Variants in SLC9A9 observed in about 807,000 individuals in gnomAD.
SLC9A9 encodes the protein solute carrier family 9 member A9.
SLC9A9 carries 62 observed loss-of-function variants against 77.8 expected under a neutral mutation model. The observed-to-expected ratio is 0.80, with a 90% confidence interval of 0.65 to 0.98. The LOEUF is 0.98. Ranked by LOEUF, SLC9A9 falls within the 50% of genes least tolerant of loss-of-function variation. SLC9A9 has a pLI of 0.00. For missense variants in SLC9A9, 775 were observed against 774.9 expected, an observed-to-expected ratio of 1.00 and a Z score of 0.00; for synonymous variants, 320 against 283.5, an observed-to-expected ratio of 1.13 and a Z score of -1.29.
At chr3:143,689,981 T>TA (rs1486110934) in intron 5 of SLC9A9, among the ~76,000 whole-genome samples, 5 of 151,876 alleles carry the variant, frequency 3.3e-5, no homozygotes, top group Non-Finnish European at 5.9e-5. Flanking sequence ...TTTTAAAAAT[T>TA]AAAAATAAAA....
rs1559921463 is a variant in SLC9A9 at position 143,449,702 on chromosome 3, T to TATAATTATATAAAATATAATTATATAAA, written c.1469+17307_1469+17334dup. Among the ~76,000 whole-genome samples, 14 of 83,104 alleles carry TATAATTATATAAAATATAATTATATAAA rather than the reference T, an allele frequency of 1.7e-4. 2 individuals are homozygous for TATAATTATATAAAATATAATTATATAAA. The highest frequency in any genetic ancestry group is 3.8e-4 in the African/African-American group (7 of 18,526). 54.5% of individuals were successfully genotyped at this position (83,104 alleles called of 152,430 possible). The stretch of plus-strand genomic sequence containing the variant: ...AATTATATAAAATATAATTATATTA[T>TATAATTATATAAAATATAATTATATAAA]ATAATTATATAAAATATAATTATAT... On this transcript the variant is annotated intron_variant, in intron 12 of 15. Coordinates refer to ENST00000316549, the MANE Select transcript of SLC9A9 (RefSeq NM_173653.4).
chr3:143,379,483 G>GT (rs1559889904), intron 13 of SLC9A9, among the ~76,000 whole-genome samples: 1 of 152,172 alleles, frequency 6.6e-6, no homozygotes, highest in Non-Finnish European at 1.5e-5. Context: ...TTTCTGAAAC[G>GT]TAAGTTCTTT....
intron 4 of SLC9A9, among the ~76,000 whole-genome samples, chr3:143,723,270 A>C (rs971619235): frequency 3.3e-5 from 5 of 152,240 alleles, no homozygotes; most frequent in African/African-American, 4.8e-5. Context: ...AAATGAAACA[A>C]AAACAAAGGC....
chr3:143,681,652 C>A (rs549574809), intron 5 of SLC9A9, among the ~76,000 whole-genome samples: 1 of 152,318 alleles, frequency 6.6e-6, no homozygotes, highest in South Asian at 2.1e-4. Context: ...AAATTATATT[C>A]TGACTATTTC....
chr3:143,797,657 G>A (rs559469191), intron 2 of SLC9A9, among the ~76,000 whole-genome samples: 3 of 152,268 alleles, frequency 2.0e-5, no homozygotes, highest in African/African-American at 7.2e-5. Context: ...GCCTGTTCCT[G>A]CCTTAACTGA....
intron 5 of SLC9A9, among the ~76,000 whole-genome samples, chr3:143,689,330 C>T (rs543196884): frequency 6.6e-6 from 1 of 152,294 alleles, no homozygotes; most frequent in South Asian, 2.1e-4. Flanking sequence ...ACCCAAATTT[C>T]TATCAATAGA....
intron 9 of SLC9A9, among the ~76,000 whole-genome samples, chr3:143,537,258 A>G (rs1488379734): frequency 6.6e-6 from 1 of 152,230 alleles, no homozygotes; most frequent in African/African-American, 2.4e-5. Context: ...AATCCTGGGC[A>G]TGGAGCCCGG....
intron 12 of SLC9A9, among the ~76,000 whole-genome samples, chr3:143,412,188 G>T (rs944816275): frequency 2.0e-5 from 3 of 151,902 alleles, no homozygotes; most frequent in African/African-American, 7.3e-5. Context: ...TCTGCTGCTG[G>T]CTGCCAGGTG....
chr3:143,302,901 A>G lies in SLC9A9; in HGVS notation c.1605-33921T>C, dbSNP rs78096213. Among the ~76,000 whole-genome samples the G allele has an allele frequency of 4.2e-3, 634 of 152,332 alleles. 7 individuals carry two copies. The highest frequency in any genetic ancestry group is 0.015 in the African/African-American group (604 of 41,578). ...TCCTTGTTCTCAATTATCCTCCACA[A>G]GAGTGTGGAGTCCCTCCCACGTTAC... On this transcript the variant is annotated intron_variant, in intron 14 of 15. Coordinates refer to ENST00000316549, the MANE Select transcript of SLC9A9 (RefSeq NM_173653.4).
At chr3:143,528,658 T>C (rs1307611482) in intron 9 of SLC9A9, among the ~76,000 whole-genome samples, 1 of 152,146 alleles carries the variant, frequency 6.6e-6, no homozygotes, top group Non-Finnish European at 1.5e-5. Flanking sequence ...CAAAATTACC[T>C]TTTCTATAAG....
At chr3:143,482,333 T>C (rs991005952) in intron 11 of SLC9A9, among the ~76,000 whole-genome samples, 1 of 152,210 alleles carries the variant, frequency 6.6e-6, no homozygotes, top group African/African-American at 2.4e-5. Flanking sequence ...AGTGCTGCTG[T>C]TTCATGGTTA....
chr3:143,560,542 T>C (rs954678994), intron 8 of SLC9A9, among the ~76,000 whole-genome samples: 3 of 152,210 alleles, frequency 2.0e-5, no homozygotes, highest in East Asian at 1.9e-4. Flanking sequence ...TTGACATGGT[T>C]CTGTGAAGTC....
At chr3:143,839,328 G>A (rs1046533790) in intron 1 of SLC9A9, among the ~76,000 whole-genome samples, 1 of 152,140 alleles carries the variant, frequency 6.6e-6, no homozygotes, top group Non-Finnish European at 1.5e-5. Flanking sequence ...ATTCCAAAGT[G>A]GAAAGTAGTC....
intron 4 of SLC9A9, among the ~76,000 whole-genome samples, chr3:143,784,842 A>G (rs542274771): frequency 5.9e-5 from 9 of 152,266 alleles, no homozygotes; most frequent in African/African-American, 2.2e-4. Context: ...GACCTTTGGG[A>G]AGTAATTAGG....
intron 14 of SLC9A9, among the ~76,000 whole-genome samples, chr3:143,335,397 A>AT (rs1255494338): frequency 6.6e-6 from 1 of 152,146 alleles, no homozygotes; most frequent in Non-Finnish European, 1.5e-5. Flanking sequence ...TCCCAATGGC[A>AT]TTTTTTACAG....
chr3:143,482,378 T>C (rs527852168), intron 11 of SLC9A9, among the ~76,000 whole-genome samples: 1 of 152,232 alleles, frequency 6.6e-6, no homozygotes, highest in African/African-American at 2.4e-5. Flanking sequence ...TATAAATCCA[T>C]GTACTGTGGT....
chr3:143,740,895 CA>C (rs1935057917), intron 4 of SLC9A9, among the ~76,000 whole-genome samples: 1 of 152,040 alleles, frequency 6.6e-6, no homozygotes, highest in Admixed American at 6.5e-5. Context: ...TGGAGTTAAA[CA>C]ATTAAGTAAA....
In SLC9A9 at chr3:143,765,151, CTCTT is replaced by C. The variant is rs1246826570; in HGVS notation, c.533+29846_533+29849del. ...TCTTTCTTTCTTTTTCTTTCTTTCT[CTCTT>C]TCTTTCTTTCCTCCCTCCCTCAGGC... On this transcript the variant is annotated intron_variant, in intron 4 of 15. Transcript: ENST00000316549. Among the ~76,000 whole-genome samples, 409 of 138,870 alleles carry C rather than the reference CTCTT, an allele frequency of 2.9e-3. 2 individuals carry two copies. The highest frequency in any genetic ancestry group is 0.01 in the African/African-American group (392 of 37,466). The allele number at this position is 138,870 out of a possible 152,430, so 91.1% of individuals were successfully genotyped here.
At chr3:143,443,981 C>G (rs2034798635) in intron 12 of SLC9A9, among the ~76,000 whole-genome samples, 1 of 152,138 alleles carries the variant, frequency 6.6e-6, no homozygotes, top group African/African-American at 2.4e-5. Context: ...GGTTTCCTGA[C>G]TGGATAAGTA....
Sources: allele counts gnomAD v4.1 joint callset (sites outside exome capture counted in the v4.1 genomes callset), GRCh38; gene constraint gnomAD v4.1.1; transcripts MANE v1.5; gene names NCBI Gene and HGNC (gene_info 2026-07-23, HGNC 2026-07-21).